PHLPP1: variants seen among roughly 807,000 people sequenced by gnomAD.
PHLPP1 encodes the protein PH domain and leucine rich repeat protein phosphatase 1, also known as PH domain leucine-rich repeat-containing protein phosphatase 1.
In PHLPP1, 42 loss-of-function variants were observed where a neutral mutation model predicts 117.2. The observed-to-expected ratio is 0.36, with a 90% CI of 0.28 to 0.46. The LOEUF (loss-of-function observed/expected upper bound fraction) is 0.46. Among genes scored for constraint, PHLPP1 ranks in the 20% least tolerant of loss-of-function variants. PHLPP1 has a pLI of 1.00. For missense variants in PHLPP1, 2,084 were observed against 2,241.9 expected, an observed-to-expected ratio of 0.93 and a Z score of 1.42; for synonymous variants, 1,042 against 970.7, an observed-to-expected ratio of 1.07 and a Z score of -1.37.
At chr18:62,872,324 G>C (rs144869965) in intron 4 of PHLPP1, among the ~76,000 whole-genome samples, 72 of 152,280 alleles carry the variant, frequency 4.7e-4, no homozygotes, top group South Asian at 2.7e-3. Context: ...CGTCTCTTGT[G>C]GTCAGAATGT....
intron 4 of PHLPP1, among the ~76,000 whole-genome samples, chr18:62,881,468 C>A (rs746337297): frequency 6.6e-5 from 10 of 152,118 alleles, no homozygotes; most frequent in Non-Finnish European, 4.4e-5. Context: ...AAAATTCTTT[C>A]ATGACTGTAA....
chr18:62,976,463 A>G (rs1293972913), intron 16 of PHLPP1, among the ~76,000 whole-genome samples: 1 of 152,230 alleles, frequency 6.6e-6, no homozygotes, highest in Non-Finnish European at 1.5e-5. Flanking sequence ...AAACAAGAGA[A>G]GTCTGACGTG....
In PHLPP1 at chr18:62,945,216, C is replaced by T; in HGVS notation, c.3269C>T (p.Ala1090Val). ...MNCRRMHTVI[A>V]HSNCIEVFPE... ...TGCAGGCGCATGCACACCGTGATTG[C>T]TCACTCCAACTGCATCGAGGTCTTT... Residue 1090 changes from alanine to valine, a missense_variant, in exon 12 of 17, where the codon GCT becomes GTT. Coordinates refer to ENST00000262719, the MANE Select transcript of PHLPP1 (RefSeq NM_194449.4). The T allele has an allele frequency of 6.2e-7, 1 of 1,612,600 alleles. No individual in the cohort carries two copies. Among genetic ancestry groups the T allele is most frequent in the Non-Finnish European group, 8.5e-7 (1 of 1,179,354 alleles).
At chr18:62,952,929 C>T (rs1055742327) in intron 12 of PHLPP1, among the ~76,000 whole-genome samples, 2 of 152,118 alleles carry the variant, frequency 1.3e-5, no homozygotes, top group African/African-American at 2.4e-5. Context: ...GCCATAAATA[C>T]AATTTTATGT....
intron 2 of PHLPP1, among the ~76,000 whole-genome samples, chr18:62,837,485 G>T (rs1914938475): frequency 6.6e-6 from 1 of 151,934 alleles, no homozygotes; most frequent in Admixed American, 6.6e-5. Flanking sequence ...CTTGCCAGAG[G>T]ATGTATCCAT....
At chr18:62,862,298 C>A (rs1035123216) in intron 4 of PHLPP1, among the ~76,000 whole-genome samples, 2 of 151,936 alleles carry the variant, frequency 1.3e-5, no homozygotes, top group African/African-American at 4.8e-5. Flanking sequence ...CCAGTCTGGT[C>A]TCGAACTCCT....
At chr18:62,930,270 CAG>C (rs1239505777) in intron 10 of PHLPP1, among the ~76,000 whole-genome samples, 2 of 152,050 alleles carry the variant, frequency 1.3e-5, no homozygotes, top group African/African-American at 2.4e-5. Context: ...ATAATTATGA[CAG>C]AGTTGAGACT....
Position 62,784,928 on chromosome 18 carries a change from C to T in PHLPP1, c.1577-45107C>T, listed in dbSNP as rs1042021005. Among the ~76,000 whole-genome samples, 4 of 152,074 alleles carry T rather than the reference C, an allele frequency of 2.6e-5. No homozygotes were observed. The South Asian group carries it at 8.3e-4, about 31-fold the overall frequency. On this transcript the variant is annotated intron_variant, in intron 1 of 16. Transcript: ENST00000262719. ...TTTGTGGAAAAAAAGATTAATATAG[C>T]ATAAATGCTAGAGGAGGGGAGAATA...
At chr18:62,737,463 G>A (rs539480491) in intron 1 of PHLPP1, among the ~76,000 whole-genome samples, 1 of 152,290 alleles carries the variant, frequency 6.6e-6, no homozygotes, top group African/African-American at 2.4e-5. Context: ...ATAGATTGGC[G>A]AGGGACTAAC....
At chr18:62,867,707 G>A (rs762100554) in intron 4 of PHLPP1, among the ~76,000 whole-genome samples, 5 of 152,126 alleles carry the variant, frequency 3.3e-5, no homozygotes, top group Non-Finnish European at 5.9e-5. Flanking sequence ...TTTCCTCAGG[G>A]GGTGTCAGTT....
intron 1 of PHLPP1, among the ~76,000 whole-genome samples, chr18:62,748,233 A>G (rs1911735842): frequency 6.7e-6 from 1 of 148,900 alleles, no homozygotes; most frequent in Non-Finnish European, 1.5e-5. Context: ...CAAATTCAGG[A>G]TAGGGTTTTT....
chr18:62,735,701 G>T (rs984183935), intron 1 of PHLPP1, among the ~76,000 whole-genome samples: 2 of 152,086 alleles, frequency 1.3e-5, no homozygotes, highest in Non-Finnish European at 2.9e-5. Flanking sequence ...AAAGAAAGTA[G>T]TACAGTTCAT....
intron 1 of PHLPP1, among the ~76,000 whole-genome samples, chr18:62,792,106 C>G (rs1006933068): frequency 2.0e-5 from 3 of 152,148 alleles, no homozygotes; most frequent in Non-Finnish European, 4.4e-5. Flanking sequence ...TCAAACTCCT[C>G]TTTTTATGCT....
Position 62,717,247 on chromosome 18 carries a change from C to A in PHLPP1, c.1564C>A (p.Arg522Ser), listed in dbSNP as rs766755936. Residue 522 changes from arginine (R) to serine (S), a missense_variant, in exon 1 of 17, where the codon CGC becomes AGC. Around this residue, in one of 2 missense-constraint regions of PHLPP1, gnomAD observed 1,365 missense variants for 1,605.9 expected, o/e 0.85. Transcript: ENST00000262719. ...GMDSEIGCLI[R>S]FYAGKPHSTG... ...GGACTCGGAGATTGGCTGCCTCATC[C>A]GCTTCTATGCAGGTAAGGAAGTCAC... 2 of 1,587,738 alleles carry A rather than the reference C, an allele frequency of 1.3e-6. No individual in the cohort carries two copies. The highest frequency in any genetic ancestry group is 1.7e-5 in the Admixed American group (1 of 58,344).
chr18:62,967,554 G>A (rs1167142750), intron 14 of PHLPP1, among the ~76,000 whole-genome samples: 1 of 151,552 alleles, frequency 6.6e-6, no homozygotes, highest in East Asian at 1.9e-4. Context: ...AATCAAATGT[G>A]ATGTTAGCTC....
chr18:62,721,335 A>T (rs1238864114), intron 1 of PHLPP1, among the ~76,000 whole-genome samples: 1 of 152,098 alleles, frequency 6.6e-6, no homozygotes, highest in East Asian at 1.9e-4. Flanking sequence ...TTATTCTCTT[A>T]TTCAAGCATA....
At chr18:62,719,515 G>A (rs1910855303) in intron 1 of PHLPP1, among the ~76,000 whole-genome samples, 1 of 152,176 alleles carries the variant, frequency 6.6e-6, no homozygotes, top group Non-Finnish European at 1.5e-5. Context: ...GTGATTCCTA[G>A]AAATGATCTC....
intron 16 of PHLPP1, among the ~76,000 whole-genome samples, 156 bp downstream of exon 16, chr18:62,975,781 T>G (rs1026200824): frequency 6.6e-6 from 1 of 152,234 alleles, no homozygotes; most frequent in African/African-American, 2.4e-5. Context: ...AAAGCAGATG[T>G]CTTACATTAT....
At chr18:62,802,752 C>T (rs1394505404) in intron 1 of PHLPP1, among the ~76,000 whole-genome samples, 2 of 151,820 alleles carry the variant, frequency 1.3e-5, no homozygotes, top group African/African-American at 2.4e-5. Context: ...TCTGTTGGAG[C>T]GTGGAACTTA....
Sources: gnomAD v4.1 joint callset for allele counts (sites outside exome capture counted in the v4.1 genomes callset) on GRCh38, gnomAD v4.1.1 for gene constraint, gnomAD v4.1.1 regional missense constraint, MANE v1.5 for transcripts, NCBI Gene and HGNC (gene_info 2026-07-23, HGNC 2026-07-21) for gene names.